Variants in GRM7 observed in about 807,000 individuals in gnomAD.
GRM7 encodes the protein metabotropic glutamate receptor 7.
GRM7 carries 35 observed loss-of-function variants against 84.5 expected under a neutral mutation model. That is an observed-to-expected ratio of 0.41 (90% confidence interval 0.32 to 0.55). The LOEUF (loss-of-function observed/expected upper bound fraction) is 0.55. GRM7 is among the 20% of genes least tolerant of loss of function. The pLI, the probability that GRM7 is intolerant of heterozygous loss-of-function variation, is 0.19. For synonymous variants in GRM7, 487 were observed against 455.1 expected, an observed-to-expected ratio of 1.07 and a Z score of -0.89; for missense variants, 1,003 against 1,194.6, an observed-to-expected ratio of 0.84 and a Z score of 2.36.
intron 1 of GRM7, among the ~76,000 whole-genome samples, chr3:7,091,462 G>A (rs992484887): frequency 7.9e-5 from 12 of 152,120 alleles, no homozygotes; most frequent in African/African-American, 2.9e-4. Flanking sequence ...ATTATGAAGT[G>A]CCTCCTGGTG....
At chr3:7,473,555 A>ACATCT (rs1698801040) in intron 7 of GRM7, among the ~76,000 whole-genome samples, 1 of 149,554 alleles carries the variant, frequency 6.7e-6, no homozygotes, top group Non-Finnish European at 1.5e-5. Context: ...AGTTTTTGTA[A>ACATCT]CATCTCAGAA....
intron 1 of GRM7, among the ~76,000 whole-genome samples, chr3:7,105,662 A>G (rs557369757): frequency 1.3e-5 from 2 of 151,978 alleles, no homozygotes; most frequent in Non-Finnish European, 2.9e-5. Flanking sequence ...GTTAGTTACC[A>G]TATTCACTTT....
At chr3:7,724,512 A>G (rs1702057238) in intron 9 of GRM7, among the ~76,000 whole-genome samples, 1 of 152,208 alleles carries the variant, frequency 6.6e-6, no homozygotes, top group Non-Finnish European at 1.5e-5. Flanking sequence ...AACTAGAAGA[A>G]CTGCTCAACA....
chr3:7,637,237 G>A (rs963432387), intron 8 of GRM7, among the ~76,000 whole-genome samples: 3 of 152,170 alleles, frequency 2.0e-5, no homozygotes, highest in Non-Finnish European at 4.4e-5. Context: ...TTAAATTCCT[G>A]GGGTCAAATG....
intron 7 of GRM7, among the ~76,000 whole-genome samples, chr3:7,499,578 C>T (rs1370245701): frequency 2.0e-5 from 3 of 152,084 alleles, no homozygotes; most frequent in African/African-American, 7.2e-5. Flanking sequence ...ACAAAATTCT[C>T]TGAGTAGGGA....
intron 7 of GRM7, among the ~76,000 whole-genome samples, chr3:7,523,444 C>G (rs767213546): frequency 6.6e-6 from 1 of 152,078 alleles, no homozygotes; most frequent in African/African-American, 2.4e-5. Flanking sequence ...TTTGCTAGGC[C>G]GGACTTTAAT....
At chr3:7,082,735 A>T (rs1304091953) in intron 1 of GRM7, among the ~76,000 whole-genome samples, 1 of 152,172 alleles carries the variant, frequency 6.6e-6, no homozygotes, top group African/African-American at 2.4e-5. Context: ...TCAAAATTCA[A>T]CATGAACAGG....
chr3:6,976,165 T>C (rs1693986458), intron 1 of GRM7, among the ~76,000 whole-genome samples: 1 of 152,138 alleles, frequency 6.6e-6, no homozygotes, highest in African/African-American at 2.4e-5. Context: ...CCGTAGAAGT[T>C]AGGAACCCAT....
chr3:7,575,402 A>G (rs1694910662), intron 7 of GRM7, among the ~76,000 whole-genome samples: 1 of 152,052 alleles, frequency 6.6e-6, no homozygotes, highest in African/African-American at 2.4e-5. Flanking sequence ...GTTCAGGAGA[A>G]ACTTGAAATT....
chr3:7,196,457 C>T (rs1695883060), intron 2 of GRM7, among the ~76,000 whole-genome samples: 1 of 152,160 alleles, frequency 6.6e-6, no homozygotes, highest in African/African-American at 2.4e-5. Context: ...CCCTGCCTAA[C>T]TCTCAGCTTC....
chr3:7,605,538 T>C (rs2125074457), intron 8 of GRM7, among the ~76,000 whole-genome samples: 1 of 152,286 alleles, frequency 6.6e-6, no homozygotes, highest in African/African-American at 2.4e-5. Flanking sequence ...GTAATAATCC[T>C]GGGGCATAAT....
chr3:7,210,209 A>G (rs1010984788), intron 2 of GRM7, among the ~76,000 whole-genome samples: 2 of 152,194 alleles, frequency 1.3e-5, no homozygotes, highest in African/African-American at 2.4e-5. Context: ...AACTTCCCAC[A>G]CAACATTTGT....
At chr3:7,460,037 C>T (rs1839432) in intron 6 of GRM7, among the ~76,000 whole-genome samples, 19,256 of 133,324 alleles carry the variant, frequency 0.14, 1,299 homozygotes, top group South Asian at 0.29. Context: ...TTTGAATATT[C>T]ATATTCAAAT....
At chr3:7,189,256 G>A (rs575194023) in intron 2 of GRM7, among the ~76,000 whole-genome samples, 7 of 151,850 alleles carry the variant, frequency 4.6e-5, no homozygotes, top group Non-Finnish European at 1.0e-4. Context: ...CATATATCAC[G>A]CACACACACA....
chr3:7,687,068 C>G (rs1446930268), intron 9 of GRM7, among the ~76,000 whole-genome samples: 1 of 142,368 alleles, frequency 7.0e-6, no homozygotes, highest in African/African-American at 2.7e-5. Context: ...CATAGTTCTG[C>G]CTTTGAGAAA....
At chr3:7,308,496 G>T (rs1046120053) in intron 4 of GRM7, among the ~76,000 whole-genome samples, 12 of 152,188 alleles carry the variant, frequency 7.9e-5, no homozygotes, top group African/African-American at 2.7e-4. Flanking sequence ...TATGTGTCTG[G>T]AGGGATGGAG....
At chr3:7,453,446 A>C (rs543255510) in intron 6 of GRM7, among the ~76,000 whole-genome samples, 1 of 152,252 alleles carries the variant, frequency 6.6e-6, no homozygotes, top group East Asian at 1.9e-4. Flanking sequence ...GAATTTTCAC[A>C]ATCTCCTCCT....
chr3:7,591,501 A>G (rs1029578290), intron 8 of GRM7: 1 of 442,672 alleles, frequency 2.3e-6, no homozygotes, highest in Admixed American at 2.5e-5. Context: ...AATATGAATA[A>G]CTTTTCACCC....
intron 1 of GRM7, among the ~76,000 whole-genome samples, chr3:6,968,353 A>G (rs1693611349): frequency 6.6e-6 from 1 of 152,030 alleles, no homozygotes; most frequent in Admixed American, 6.5e-5. Flanking sequence ...AACTCATTTT[A>G]TTTTGATTAC....
Sources: allele counts gnomAD v4.1 joint callset (sites outside exome capture counted in the v4.1 genomes callset), GRCh38; gene constraint gnomAD v4.1.1; transcripts MANE v1.5; gene names NCBI Gene and HGNC (gene_info 2026-07-23, HGNC 2026-07-21).